Variants in MCTP2 observed in about 807,000 individuals in gnomAD.
MCTP2 encodes multiple C2 and transmembrane domain-containing protein 2.
In MCTP2, 132 loss-of-function variants were observed where a neutral mutation model predicts 111.6. The observed-to-expected ratio is 1.18, with a 90% CI of 1.03 to 1.37. The LOEUF (loss-of-function observed/expected upper bound fraction) is 1.37, where lower values mean the gene tolerates loss of function less well. Ranked by LOEUF, MCTP2 falls within the 40% of genes most tolerant of loss-of-function variation. The pLI is 0.00. For synonymous variants in MCTP2, 395 were observed against 387.7 expected (o/e 1.02, Z -0.22); for missense variants, 1,183 against 1,067.9 (o/e 1.11, Z -1.50).
intron 18 of MCTP2, among the ~76,000 whole-genome samples, chr15:94,442,321 C>A (rs533589307): frequency 6.6e-6 from 1 of 152,366 alleles, no homozygotes; most frequent in African/African-American, 2.4e-5. Flanking sequence ...AGCAGTACAG[C>A]TGGTGCTGTG....
At chr15:94,307,432 G>A (rs1034443273) in intron 2 of MCTP2, among the ~76,000 whole-genome samples, 1 of 152,148 alleles carries the variant, frequency 6.6e-6, no homozygotes, top group Non-Finnish European at 1.5e-5. Flanking sequence ...AAGGCCCCAG[G>A]GTAGCAGGAG....
chr15:94,248,634 C>T (rs1227711683), intron 1 of MCTP2, among the ~76,000 whole-genome samples: 5 of 152,176 alleles, frequency 3.3e-5, no homozygotes, highest in African/African-American at 9.7e-5. Flanking sequence ...AGATTCTGCC[C>T]GCTTGTGTCA....
chr15:94,245,406 ATATT>A (rs1218126096), intron 1 of MCTP2, among the ~76,000 whole-genome samples: 7 of 52,332 alleles, frequency 1.3e-4, no homozygotes, highest in African/African-American at 3.3e-4. Flanking sequence ...ATGTGTGTAT[ATATT>A]TATATACATG....
chr15:94,457,631 T>C (rs112400709), intron 19 of MCTP2, among the ~76,000 whole-genome samples: 2 of 152,142 alleles, frequency 1.3e-5, no homozygotes, highest in African/African-American at 4.8e-5. Context: ...TGAAATGTCA[T>C]CGGGCTGGCA....
chr15:94,325,459 T>C (rs961196631), intron 4 of MCTP2, among the ~76,000 whole-genome samples: 1 of 152,230 alleles, frequency 6.6e-6, no homozygotes, highest in Non-Finnish European at 1.5e-5. Flanking sequence ...TGGGCTTATC[T>C]TCCCAGTTTC....
intron 17 of MCTP2, among the ~76,000 whole-genome samples, chr15:94,404,590 C>T (rs2081803136): frequency 6.6e-6 from 1 of 152,114 alleles, no homozygotes; most frequent in South Asian, 2.1e-4. Flanking sequence ...TGAGCCACCG[C>T]ACCTGGCCTC....
chr15:94,473,840 TC>T (rs1278599469), intron 21 of MCTP2, among the ~76,000 whole-genome samples: 2 of 152,220 alleles, frequency 1.3e-5, no homozygotes, highest in African/African-American at 4.8e-5. Context: ...TGCTGGTCGC[TC>T]ATATGAATAT....
intron 20 of MCTP2, among the ~76,000 whole-genome samples, chr15:94,463,970 TTTAC>T (rs1453225817): frequency 6.6e-6 from 1 of 151,756 alleles, no homozygotes; most frequent in Admixed American, 6.6e-5. Flanking sequence ...CTGGATTTTA[TTTAC>T]TTGTTTTTGC....
intron 20 of MCTP2, among the ~76,000 whole-genome samples, chr15:94,464,333 A>C (rs1367396362): frequency 7.6e-5 from 3 of 39,224 alleles, no homozygotes; most frequent in African/African-American, 2.6e-4. Context: ...TGTAATTTTC[A>C]AAGAGTTTGT....
At chr15:94,323,328 A>G (rs1265096649) in intron 4 of MCTP2, among the ~76,000 whole-genome samples, 1 of 152,122 alleles carries the variant, frequency 6.6e-6, no homozygotes, top group African/African-American at 2.4e-5. Flanking sequence ...GTGCAGACTT[A>G]AAAAAACAAA....
chr15:94,477,966 G>C (rs945250828), intron 22 of MCTP2, among the ~76,000 whole-genome samples: 18 of 152,112 alleles, frequency 1.2e-4, no homozygotes, highest in African/African-American at 3.9e-4. Flanking sequence ...ATAAGGAATG[G>C]GGTGTTTTCT....
intron 14 of MCTP2, among the ~76,000 whole-genome samples, chr15:94,394,468 G>A (rs371524061): frequency 6.6e-6 from 1 of 152,096 alleles, no homozygotes; most frequent in Non-Finnish European, 1.5e-5. Flanking sequence ...GTTTAAAAAT[G>A]TTACATTAAC....
chr15:94,302,394 T>G (rs1671829), intron 2 of MCTP2, among the ~76,000 whole-genome samples: 1 of 151,760 alleles, frequency 6.6e-6, no homozygotes, highest in Non-Finnish European at 1.5e-5. Flanking sequence ...TCTACTGTTA[T>G]GGGGAATTGG....
At position 94,244,210 on chromosome 15, in the gene MCTP2, ACATACATATGTGTATATATT is replaced by A. The variant is rs2071493913; in HGVS notation, c.-66+12547_-66+12566del. Among the ~76,000 whole-genome samples the A allele has an allele frequency of 2.1e-5, 3 of 143,742 alleles. 1 individual carries two copies. The highest frequency in any genetic ancestry group is 7.7e-5 in the African/African-American group (3 of 39,092). The allele number at this position is 143,742 out of a possible 152,430, so 94.3% of individuals were successfully genotyped here. On this transcript the variant is annotated intron_variant, in intron 1 of 22. Transcript: ENST00000357742. ...TATATGTTTATATACACGTGTATAC[ACATACATATGTGTATATATT>A]TATATACACGTGTATACACATATGT... is the stretch of plus-strand genomic sequence containing the variant.
In MCTP2 at chr15:94,316,137, C is replaced by G. The variant is rs117772465; in HGVS notation, c.637+500C>G. On this transcript the variant is annotated intron_variant, in intron 4 of 22. Coordinates refer to ENST00000357742, the MANE Select transcript of MCTP2 (RefSeq NM_001385001.1). ...ACAAGTCTCTACCTAGCCATAAATA[C>G]ATACCTGTATATTTTTAAATGTACA... Among the ~76,000 whole-genome samples the G allele has an allele frequency of 2.5e-3, 377 of 152,290 alleles. 1 individual carries two copies. The highest frequency in any genetic ancestry group is 4.5e-3 in the Non-Finnish European group (303 of 68,024).
At chr15:94,291,152 A>T (rs1415270945) in intron 1 of MCTP2, among the ~76,000 whole-genome samples, 1 of 152,236 alleles carries the variant, frequency 6.6e-6, no homozygotes, top group Admixed American at 6.5e-5. Flanking sequence ...TAACAAATTT[A>T]AAAGAAAGTC....
At chr15:94,243,632 C>T (rs966024324) in intron 1 of MCTP2, among the ~76,000 whole-genome samples, 15 of 147,132 alleles carry the variant, frequency 1.0e-4, no homozygotes, top group African/African-American at 1.5e-4. Context: ...TACGCATATG[C>T]GTATATACAT....
rs547306119 is a variant in MCTP2, at chr15:94,242,994, T to C, written c.-66+11330T>C. On this transcript the variant is annotated intron_variant, in intron 1 of 22. Coordinates refer to ENST00000357742, the MANE Select transcript of MCTP2 (RefSeq NM_001385001.1). ...GTGTATCTACACATACACGTGTATA[T>C]GTGTATCTACACATACACGTGTATA... Among the ~76,000 whole-genome samples, 80 of 105,772 alleles carry C rather than the reference T, an allele frequency of 7.6e-4. 10 individuals are homozygous for C. Among genetic ancestry groups the C allele is most frequent in the African/African-American group, 2.9e-3 (78 of 26,538 alleles). The allele number at this position is 105,772 out of a possible 152,430, so 69.4% of individuals were successfully genotyped here.
At chr15:94,280,653 T>C (rs1223151316) in intron 1 of MCTP2, among the ~76,000 whole-genome samples, 1 of 152,170 alleles carries the variant, frequency 6.6e-6, no homozygotes, top group African/African-American at 2.4e-5. Flanking sequence ...TTTGATTTGC[T>C]CATTTTTCCA....
Sources: gnomAD v4.1 joint callset for allele counts (sites outside exome capture counted in the v4.1 genomes callset) on GRCh38, gnomAD v4.1.1 for gene constraint, MANE v1.5 for transcripts, NCBI Gene and HGNC (gene_info 2026-07-23, HGNC 2026-07-21) for gene names.